KDM4C: variants seen among roughly 807,000 people sequenced by gnomAD.
KDM4C encodes lysine-specific demethylase 4C.
Under a neutral mutation model 129.3 loss-of-function variants are expected in KDM4C, and 81 were observed. The ratio of observed to expected loss-of-function variants is 0.63; its 90% CI spans 0.52 to 0.75. KDM4C has a LOEUF of 0.75. Ranked by LOEUF, KDM4C falls within the 30% of genes least tolerant of loss-of-function variation. The probability of loss-of-function intolerance (pLI) is 0.00; values close to 1 mark genes in which losing one functional copy is unlikely to be tolerated. For missense variants in KDM4C, 1,457 were observed against 1,304.0 expected (o/e 1.12, Z -1.81); for synonymous variants, 573 against 456.1 (o/e 1.26, Z -3.26).
At chr9:7,058,363 A>T (rs766080150) in intron 17 of KDM4C, among the ~76,000 whole-genome samples, 1 of 152,232 alleles carries the variant, frequency 6.6e-6, no homozygotes, top group African/African-American at 2.4e-5. Flanking sequence ...AGTAAATAAG[A>T]AGCAGCTCTC....
chr9:7,056,519 T>C (rs1830893190), intron 17 of KDM4C, among the ~76,000 whole-genome samples: 1 of 152,196 alleles, frequency 6.6e-6, no homozygotes, highest in South Asian at 2.1e-4. Flanking sequence ...CTACAAATAA[T>C]ATACTTTCTG....
At chr9:7,170,774 A>G (rs1844875871) in intron 21 of KDM4C, 2 of 983,634 alleles carry the variant, frequency 2.0e-6, no homozygotes, top group Non-Finnish European at 2.4e-6. Context: ...TAGAGTCACT[A>G]TAGATTATTT....
intron 12 of KDM4C, among the ~76,000 whole-genome samples, chr9:6,996,100 G>A (rs1819692690): frequency 1.3e-5 from 2 of 152,198 alleles, no homozygotes; most frequent in African/African-American, 2.4e-5. Context: ...TACCCATGAG[G>A]TAATTAATTT....
rs368764251 is a variant in KDM4C, at chr9:6,934,086, C to G, written c.921+40854C>G. Among the ~76,000 whole-genome samples the G allele has an allele frequency of 4.3e-4, 65 of 152,074 alleles. No homozygotes were observed. In the East Asian group the frequency reaches 6.6e-3, roughly 15 times the overall value. ...GCTGGTCTTCTTGAACTCCTGATCT[C>G]AAGTGATCCGCCTGCCTCAGCCTCC... On this transcript the variant is annotated intron_variant, in intron 8 of 21. Coordinates refer to ENST00000381309, the MANE Select transcript of KDM4C (RefSeq NM_015061.6).
intron 17 of KDM4C, among the ~76,000 whole-genome samples, chr9:7,077,519 C>T (rs1457662088): frequency 6.6e-6 from 1 of 152,114 alleles, no homozygotes; most frequent in African/African-American, 2.4e-5. Flanking sequence ...TATCTTTATT[C>T]CCATTTTATA....
Position 6,923,826 on chromosome 9 carries a change from G to A in KDM4C, c.921+30594G>A, listed in dbSNP as rs996027042. On this transcript the variant is annotated intron_variant, in intron 8 of 21. Coordinates refer to ENST00000381309, the MANE Select transcript of KDM4C (RefSeq NM_015061.6). ...TGCAGAATCCAGTCTTCTCTTTTTG[G>A]GGGCAGAGAACCAAGGGGGACCACT... Among the ~76,000 whole-genome samples the A allele has an allele frequency of 3.9e-5, 6 of 152,156 alleles. No individual in the cohort carries two copies. In the South Asian group the frequency reaches 1.2e-3, roughly 32 times the overall value.
intron 1 of KDM4C, among the ~76,000 whole-genome samples, chr9:6,745,731 C>A (rs551741283): frequency 6.6e-6 from 1 of 152,014 alleles, no homozygotes; most frequent in Non-Finnish European, 1.5e-5. Context: ...CTTTGCCTCA[C>A]GGGTTCAAGA....
intron 19 of KDM4C, among the ~76,000 whole-genome samples, chr9:7,159,799 A>T (rs1195552592): frequency 6.6e-6 from 1 of 152,022 alleles, no homozygotes; most frequent in South Asian, 2.1e-4. Context: ...GAATCTGCCA[A>T]TTATGTGTCT....
intron 15 of KDM4C, among the ~76,000 whole-genome samples, chr9:7,035,938 A>G (rs1173427473): frequency 6.6e-6 from 1 of 151,954 alleles, no homozygotes; most frequent in Non-Finnish European, 1.5e-5. Context: ...TAGCTTTGAT[A>G]TTTGCTTAAG....
At chr9:7,158,368 C>A (rs936242447) in intron 19 of KDM4C, among the ~76,000 whole-genome samples, 3 of 151,490 alleles carry the variant, frequency 2.0e-5, no homozygotes, top group Non-Finnish European at 4.4e-5. Context: ...TTCAGTTCTG[C>A]TCTGGTCTTA....
intron 1 of KDM4C, among the ~76,000 whole-genome samples, chr9:6,734,062 C>G (rs570552589): frequency 1.3e-5 from 2 of 152,130 alleles, no homozygotes; most frequent in Non-Finnish European, 2.9e-5. Flanking sequence ...AATGCGTTAA[C>G]CGTCTGAGAA....
chr9:6,767,094 G>GT (rs1820775801), intron 1 of KDM4C, among the ~76,000 whole-genome samples: 1 of 151,808 alleles, frequency 6.6e-6, no homozygotes, highest in Admixed American at 6.6e-5. Flanking sequence ...TTTGCAGGTA[G>GT]TTTATCTCAT....
intron 17 of KDM4C, among the ~76,000 whole-genome samples, chr9:7,074,018 T>G (rs1833569385): frequency 1.3e-5 from 2 of 152,166 alleles, no homozygotes; most frequent in African/African-American, 2.4e-5. Context: ...AAAAGACAGT[T>G]CTAGACAGGA....
intron 15 of KDM4C, among the ~76,000 whole-genome samples, chr9:7,022,929 A>C (rs1435807202): frequency 6.6e-6 from 1 of 152,144 alleles, no homozygotes; most frequent in Non-Finnish European, 1.5e-5. Context: ...TCTTCATTCT[A>C]ATGATATGAT....
chr9:6,750,599 A>G (rs1818036006), intron 1 of KDM4C, among the ~76,000 whole-genome samples: 1 of 152,224 alleles, frequency 6.6e-6, no homozygotes, highest in Non-Finnish European at 1.5e-5. Context: ...TCTCTTGATT[A>G]TAAAAACGAT....
chr9:7,159,376 G>A (rs1415906594), intron 19 of KDM4C, among the ~76,000 whole-genome samples: 1 of 152,182 alleles, frequency 6.6e-6, no homozygotes, highest in African/African-American at 2.4e-5. Flanking sequence ...CTGTCATTAT[G>A]TTGTTAGCTG....
At chr9:6,886,824 G>A (rs145415941) in intron 6 of KDM4C, among the ~76,000 whole-genome samples, 1 of 152,048 alleles carries the variant, frequency 6.6e-6, no homozygotes, top group African/African-American at 2.4e-5. Flanking sequence ...GTTTTGCTGT[G>A]TTAGGCTTGT....
intron 4 of KDM4C, among the ~76,000 whole-genome samples, chr9:6,847,905 A>G (rs1032195605): frequency 2.0e-5 from 3 of 152,224 alleles, no homozygotes; most frequent in African/African-American, 4.8e-5. Context: ...TAACACACTG[A>G]TTAGAAAATC....
At chr9:7,001,304 C>G (rs11795389) in intron 12 of KDM4C, among the ~76,000 whole-genome samples, 21,930 of 152,172 alleles carry the variant, frequency 0.14, 2,144 homozygotes, top group South Asian at 0.39. Context: ...GAATGATTGG[C>G]TATGATATGT....
Sources: gnomAD v4.1 joint callset for allele counts (sites outside exome capture counted in the v4.1 genomes callset) on GRCh38, gnomAD v4.1.1 for gene constraint, MANE v1.5 for transcripts, NCBI Gene and HGNC (gene_info 2026-07-23, HGNC 2026-07-21) for gene names.